CATIP: variants seen among roughly 807,000 people sequenced by gnomAD.
CATIP encodes ciliogenesis associated TTC17 interacting protein, also known as ciliogenesis-associated TTC17-interacting protein.
Under a neutral mutation model 42.5 loss-of-function variants are expected in CATIP, and 40 were observed. That is an observed-to-expected ratio of 0.94 (90% CI 0.73 to 1.22). CATIP has a LOEUF of 1.22. CATIP is among the 50% of genes most tolerant of loss of function. The pLI is 0.00. For synonymous variants in CATIP, 222 were observed against 200.2 expected, an observed-to-expected ratio of 1.11 and a Z score of -0.92; for missense variants, 489 against 496.0, an observed-to-expected ratio of 0.99 and a Z score of 0.13.
chr2:218,365,508 G>A (rs942349551), intron 7 of CATIP: 9 of 151,946 alleles, frequency 5.9e-5, no homozygotes, highest in African/African-American at 1.2e-4. Context: ...GACTCCAGTC[G>A]AGTTTATTTC....
intron 4 of CATIP, among the ~76,000 whole-genome samples, chr2:218,360,336 G>A (rs556970172): frequency 4.2e-4 from 64 of 152,072 alleles, no homozygotes; most frequent in Non-Finnish European, 8.2e-4. Flanking sequence ...ATTTTTAGTA[G>A]AGACGGGGTT....
At chr2:218,360,057 C>G (rs1277727701) in intron 4 of CATIP, among the ~76,000 whole-genome samples, 1 of 152,074 alleles carries the variant, frequency 6.6e-6, no homozygotes, top group Admixed American at 6.5e-5. Flanking sequence ...AACTCCTGAC[C>G]TCAAGTGATC....
chr2:218,362,819 G>C lies in CATIP; in HGVS notation c.547G>C (p.Val183Leu). 1.2e-6 allele frequency: 2 copies of C among 1,614,124 alleles called. No individual in the cohort carries two copies. Among genetic ancestry groups the C allele is most frequent in the Non-Finnish European group, 1.7e-6 (2 of 1,180,012 alleles). ...SEAANLVLLR[V>L]MAWRRMVPSN... The stretch of plus-strand genomic sequence containing the variant: ...GGCTGCCAACCTGGTGCTGCTCAGG[G>C]TGATGGCCTGGCGGCGGATGGTGCC... Residue 183 changes from valine (V) to leucine (L), a missense_variant, in exon 6 of 10, where the codon GTG becomes CTG. Transcript: ENST00000289388.
chr2:218,366,868 G>A (rs1695460529), intron 7 of CATIP, 156 bp from the exon 8 acceptor site: 1 of 675,964 alleles, frequency 1.5e-6, no homozygotes, highest in Non-Finnish European at 2.7e-6. Flanking sequence ...AATCCTATCT[G>A]ATTCGGGCCC....
rs150843932 is a variant in CATIP at position 218,364,886 on chromosome 2, T to A, written c.755+134T>A. 3,032 of 996,360 alleles carry A rather than the reference T, an allele frequency of 3.0e-3. 8 individuals carry two copies. Among genetic ancestry groups the A allele is most frequent in the Non-Finnish European group, 4.1e-3 (2,800 of 685,182 alleles). 61.7% of individuals were successfully genotyped at this position (996,360 alleles called of 1,614,324 possible). On this transcript the variant is annotated intron_variant, in intron 7 of 9. Transcript: ENST00000289388. Reference sequence around the variant, plus strand: ...GTGTCCCTCCGCTTTATCCATATCATTCACTCTTTCTTCATTTATTTGCTC... The same window carrying A: ...GTGTCCCTCCGCTTTATCCATATCAATCACTCTTTCTTCATTTATTTGCTC...
At chr2:218,362,213 C>T (rs373825712) in intron 5 of CATIP, among the ~76,000 whole-genome samples, 4 of 151,660 alleles carry the variant, frequency 2.6e-5, no homozygotes, top group East Asian at 3.9e-4. Flanking sequence ...ATTAGCTGGG[C>T]GTAGTGTCGT....
Position 218,362,908 on chromosome 2 carries a change from G to A in CATIP, c.630+6G>A. On this transcript the variant is annotated splice_donor_region_variant and intron_variant, in intron 6 of 9. Coordinates refer to ENST00000289388, the MANE Select transcript of CATIP (RefSeq NM_198559.2). ...AACTCTGCTATTTGACCTATGTAAG[G>A]GGTCCCCTTGGGCAGGGGACTTGGC... 6.2e-7 allele frequency: 1 copy of A among 1,607,884 alleles called. No homozygotes were observed. The highest frequency in any genetic ancestry group is 8.5e-7 in the Non-Finnish European group (1 of 1,176,072).
At chr2:218,359,341 C>CAAAAAAAAAAAAAAAAA (rs140677940) in intron 4 of CATIP, among the ~76,000 whole-genome samples, 11 of 79,698 alleles carry the variant, frequency 1.4e-4, no homozygotes, top group African/African-American at 5.7e-4. Flanking sequence ...GACTCTGTCT[C>CAAAAAAAAAAAAAAAAA]AAAAAAAAAA....
chr2:218,367,489 G>GA lies in CATIP; in HGVS notation c.893dup (p.Leu299AlafsTer?). 2 of 1,614,186 alleles carry GA rather than the reference G, an allele frequency of 1.2e-6. No homozygotes were observed. Among genetic ancestry groups the GA allele is most frequent in the Non-Finnish European group, 1.7e-6 (2 of 1,180,040 alleles). On this transcript the variant is annotated frameshift_variant, in exon 9 of 10. Transcript: ENST00000289388. LOFTEE classifies it low-confidence loss of function (END_TRUNC). ...GCCCCTGGTATGGGAGGAGGATATG[G>GA]AGCTCTATTCGAAGTTCCTGGACCG...
Position 218,360,679 on chromosome 2 carries a change from G to A in CATIP, c.462+20G>A. 2 of 1,577,346 alleles carry A rather than the reference G, an allele frequency of 1.3e-6. No homozygotes were observed. Among genetic ancestry groups the A allele is most frequent in the Non-Finnish European group, 8.7e-7 (1 of 1,147,414 alleles). ...GGTGAGGTAAGGATGAGAGCCAGATGGGAGTTGCACTACACACTGTGAACC... is the reference window on the plus strand; with the variant it reads ...GGTGAGGTAAGGATGAGAGCCAGATAGGAGTTGCACTACACACTGTGAACC... On this transcript the variant is annotated intron_variant, in intron 5 of 9. Coordinates refer to ENST00000289388, the MANE Select transcript of CATIP (RefSeq NM_198559.2).
At position 218,368,010 on chromosome 2, in the gene CATIP, G is replaced by A; in HGVS notation, c.*46G>A. The A allele has an allele frequency of 1.4e-6, 2 of 1,463,942 alleles. No homozygotes were observed. Among genetic ancestry groups the A allele is most frequent in the Non-Finnish European group, 1.8e-6 (2 of 1,114,902 alleles). 90.7% of individuals were successfully genotyped at this position (1,463,942 alleles called of 1,614,324 possible). On this transcript the variant is annotated 3_prime_UTR_variant, in exon 10 of 10. Transcript: ENST00000289388. ...GGGCAGGAAACCAGGGGTCGGGCTG[G>A]GACGCGGGCGGGACGCGCCGGGGCG...
At chr2:218,359,822 T>TTTA (rs1026318091) in intron 4 of CATIP, among the ~76,000 whole-genome samples, 4 of 151,736 alleles carry the variant, frequency 2.6e-5, no homozygotes, top group South Asian at 2.1e-4. Context: ...TTTTTTTTAT[T>TTTA]TTATTATTAT....
At chr2:218,362,079 C>T (rs139631228) in intron 5 of CATIP, among the ~76,000 whole-genome samples, 12 of 151,866 alleles carry the variant, frequency 7.9e-5, no homozygotes, top group African/African-American at 2.9e-4. Context: ...GAAGGCCAGG[C>T]GTGTGGTGAC....
chr2:218,360,801 T>A, intron 5 of CATIP, 142 bp downstream of exon 5: 1 of 547,988 alleles, frequency 1.8e-6, no homozygotes, highest in South Asian at 2.5e-5. Context: ...CCTGAGGAAA[T>A]GGGCCCAAAG....
In CATIP at chr2:218,363,208, T is replaced by C. The variant is rs546580141; in HGVS notation, c.630+306T>C. ...AAAATACATCATTTTGGGCCAGGTG[T>C]GGTGGCTCACGCCTGTAATCCCAGC... On this transcript the variant is annotated intron_variant, in intron 6 of 9. Coordinates refer to ENST00000289388, the MANE Select transcript of CATIP (RefSeq NM_198559.2). Among the ~76,000 whole-genome samples the C allele has an allele frequency of 5.1e-4, 77 of 151,802 alleles. 1 individual carries two copies. The East Asian group carries it at 8.4e-3, about 16-fold the overall frequency.
chr2:218,359,364 A>AAAAAAAAAAAAAG (rs1695155999), intron 4 of CATIP, among the ~76,000 whole-genome samples: 1 of 144,674 alleles, frequency 6.9e-6, no homozygotes, highest in African/African-American at 2.6e-5. Context: ...AAAAAAAAAA[A>AAAAAAAAAAAAAG]TGTTGGGGAT....
At chr2:218,359,635 CAGG>C (rs557492373) in intron 4 of CATIP, among the ~76,000 whole-genome samples, 377 of 152,162 alleles carry the variant, frequency 2.5e-3, no homozygotes, top group Non-Finnish European at 3.6e-3. Context: ...GTTTGGGTAT[CAGG>C]AGAACTTATC....
chr2:218,360,456 C>CT (rs920517044), intron 4 of CATIP, 117 bp from the exon 5 acceptor site: 792 of 738,848 alleles, frequency 1.1e-3, no homozygotes, highest in Middle Eastern at 2.9e-3. Flanking sequence ...GGCCCGGCTG[C>CT]TTTTTTTTTA....
At chr2:218,359,535 G>T (rs1007938569) in intron 4 of CATIP, among the ~76,000 whole-genome samples, 1 of 152,018 alleles carries the variant, frequency 6.6e-6, no homozygotes, top group African/African-American at 2.4e-5. Flanking sequence ...CCCAGGGAAG[G>T]CTAGGCTCTG....
Sources: allele counts gnomAD v4.1 joint callset (sites outside exome capture counted in the v4.1 genomes callset), GRCh38; gene constraint gnomAD v4.1.1; transcripts MANE v1.5; gene names NCBI Gene and HGNC (gene_info 2026-07-23, HGNC 2026-07-21).